LGALS8: variants seen among roughly 807,000 people sequenced by gnomAD.
The protein encoded by LGALS8 is galectin 8.
A neutral mutation model predicts 35.9 loss-of-function variants in LGALS8; 30 were observed. The observed-to-expected ratio is 0.83, with a 90% CI of 0.62 to 1.13. The LOEUF (loss-of-function observed/expected upper bound fraction) is 1.13. Ranked by LOEUF, LGALS8 falls within the 50% of genes most tolerant of loss-of-function variation. The pLI, the probability that LGALS8 is intolerant of heterozygous loss-of-function variation, is 0.00. For synonymous variants in LGALS8, 138 were observed against 136.1 expected (o/e 1.01, Z -0.10); for missense variants, 366 against 388.7 (o/e 0.94, Z 0.49).
Position 236,550,771 on chromosome 1 carries a change from A to G in LGALS8, c.*2610A>G. The G allele has an allele frequency of 1.5e-6, 1 of 676,462 alleles. No individual in the cohort carries two copies. Among genetic ancestry groups the G allele is most frequent in the Non-Finnish European group, 2.5e-6 (1 of 403,798 alleles). The allele number at this position is 676,462 out of a possible 1,614,324, so 41.9% of individuals were successfully genotyped here. A position where few individuals can be genotyped will look rare whatever the true frequency, so the allele number is the denominator to read the frequency against. On this transcript the variant is annotated 3_prime_UTR_variant, in exon 10 of 10. Coordinates refer to ENST00000366584, the MANE Select transcript of LGALS8 (RefSeq NM_201544.4). Reference sequence around the variant, plus strand: ...CAGGTGGGGATTTTGTAAAGAAGTGATAAAACATTTGTAAGTAATCCAAGT... The same window carrying G: ...CAGGTGGGGATTTTGTAAAGAAGTGGTAAAACATTTGTAAGTAATCCAAGT...
intron 1 of LGALS8, among the ~76,000 whole-genome samples, chr1:236,525,231 CAAT>C (rs1312528335): frequency 2.0e-5 from 3 of 152,102 alleles, no homozygotes; most frequent in Non-Finnish European, 2.9e-5. Flanking sequence ...TTTCTATTCA[CAAT>C]AATAATAGCT....
rs747237426 is a variant in LGALS8, at chr1:236,548,004, C to T, written c.805-8C>T. On this transcript the variant is annotated splice_polypyrimidine_tract_variant and splice_region_variant and intron_variant, in intron 9 of 9. Coordinates refer to ENST00000366584, the MANE Select transcript of LGALS8 (RefSeq NM_201544.4). ...GAACCACTAATGGCATGTATCCTTT[C>T]CTTTCAGATGATAATTTATTGTGAT... 71 of 1,608,352 alleles carry T rather than the reference C, an allele frequency of 4.4e-5. No homozygotes were observed. The East Asian group carries it at 6.5e-4, about 15-fold the overall frequency.
Position 236,544,765 on chromosome 1 carries a change from A to C in LGALS8, c.654A>C (p.Leu218=), listed in dbSNP as rs375244910. ...TTCTCAAAAGCTTTAATGTTGACCTACTAGCAGGAAAATCAAAGGATATTG... is the reference window on the plus strand; with the variant it reads ...TTCTCAAAAGCTTTAATGTTGACCTCCTAGCAGGAAAATCAAAGGATATTG... ...NANAKSFNVD[L]LAGKSKDIAL... Residue 218 remains leucine (L), a synonymous_variant, in exon 9 of 10, where the codon CTA becomes CTC. Coordinates refer to ENST00000366584, the MANE Select transcript of LGALS8 (RefSeq NM_201544.4). 3.1e-6 allele frequency: 5 copies of C among 1,604,154 alleles called. No homozygotes were observed. In the South Asian group the frequency reaches 5.7e-5, roughly 18 times the overall value.
rs374930112 is a variant in LGALS8, at chr1:236,548,530, G to A, written c.*369G>A. 1.2e-5 allele frequency: 3 copies of A among 255,686 alleles called. No homozygotes were observed. Among genetic ancestry groups the A allele is most frequent in the East Asian group, 7.8e-5 (1 of 12,818 alleles). The allele number at this position is 255,686 out of a possible 1,614,324, so 15.8% of individuals were successfully genotyped here. A position where few individuals can be genotyped will look rare whatever the true frequency, so the allele number is the denominator to read the frequency against. On this transcript the variant is annotated 3_prime_UTR_variant, in exon 10 of 10. Transcript: ENST00000366584. ...TGTGAAGAGCTAGGATATATACTTG[G>A]TGAAACAAACCAGTATGTTCCCTGT...
chr1:236,526,869 GGGTT>G lies in LGALS8; in HGVS notation c.45+755_45+758del, dbSNP rs756466851. On this transcript the variant is annotated intron_variant, in intron 2 of 9. Coordinates refer to ENST00000366584, the MANE Select transcript of LGALS8 (RefSeq NM_201544.4). This position sits in a 1 kb window ranked among gnomAD's most constrained non-coding sequence, Gnocchi z 4.6. ...CTAAACCAGTTTTGTTAGTGTGTGT[GGGTT>G]CAAGTTTTTGTCATTTACTTTATAG... Among the ~76,000 whole-genome samples the G allele has an allele frequency of 5.9e-5, 9 of 152,074 alleles. No homozygotes were observed. The highest frequency in any genetic ancestry group is 1.2e-4 in the Non-Finnish European group (8 of 68,022).
At chr1:236,535,674 G>A in intron 2 of LGALS8, among the ~76,000 whole-genome samples, 1 of 152,182 alleles carries the variant, frequency 6.6e-6, no homozygotes, top group African/African-American at 2.4e-5. Context: ...CAGATACTCT[G>A]ATGTGCAGCT....
rs549901100 is a variant in LGALS8, at chr1:236,548,450, C to T, written c.*289C>T. ...CCATTCAACAAGTATTTATGGAGTA[C>T]CTACTATAATACAGTAGCTAACATG... is the stretch of plus-strand genomic sequence containing the variant. On this transcript the variant is annotated 3_prime_UTR_variant, in exon 10 of 10. Coordinates refer to ENST00000366584, the MANE Select transcript of LGALS8 (RefSeq NM_201544.4). 2.4e-6 allele frequency: 1 copy of T among 418,136 alleles called. No individual in the cohort carries two copies. Among genetic ancestry groups the T allele is most frequent in the Admixed American group, 4.0e-5 (1 of 25,284 alleles). The allele number at this position is 418,136 out of a possible 1,614,324, so 25.9% of individuals were successfully genotyped here. A position where few individuals can be genotyped will look rare whatever the true frequency, so the allele number is the denominator to read the frequency against.
At chr1:236,540,805 TA>T in intron 5 of LGALS8, 122 bp downstream of exon 5, 1 of 1,056,910 alleles carries the variant, frequency 9.5e-7, no homozygotes, top group Non-Finnish European at 1.3e-6. Context: ...ACTGTAGTAT[TA>T]ATTTTTTGGA....
At chr1:236,542,821 A>G (rs745731125) in intron 7 of LGALS8, 34 bp downstream of exon 7, 7 of 1,614,202 alleles carry the variant, frequency 4.3e-6, no homozygotes, top group South Asian at 1.1e-5. Context: ...TTCATGTGGA[A>G]TATTTTATAA....
intron 7 of LGALS8, chr1:236,543,068 T>G (rs761079087): frequency 6.2e-7 from 1 of 1,606,950 alleles, no homozygotes; most frequent in Non-Finnish European, 8.5e-7. Flanking sequence ...TTTTCTTAAC[T>G]CTATATAAAA....
intron 7 of LGALS8, 31 bp from the exon 8 acceptor site, chr1:236,543,529 C>A: frequency 1.3e-6 from 2 of 1,508,010 alleles, no homozygotes; most frequent in South Asian, 1.1e-5. Context: ...TTTCTGCAGG[C>A]CTCTTGGTCC....
rs1422495867 is a variant in LGALS8, at chr1:236,538,894, G to A, written c.150G>A (p.Leu50=). Residue 50 remains leucine, a synonymous_variant, in exon 4 of 10, where the codon CTG becomes CTA. Transcript: ENST00000366584. ...PSDADRFQVD[L]QNGSSMKPRA... ...CCTCATATAGATTCCAGGTGGATCTGCAGAATGGCAGCAGCATGAAACCTC... is the reference window on the plus strand; with the variant it reads ...CCTCATATAGATTCCAGGTGGATCTACAGAATGGCAGCAGCATGAAACCTC... 3.7e-6 allele frequency: 6 copies of A among 1,612,518 alleles called. No homozygotes were observed. Among genetic ancestry groups the A allele is most frequent in the Non-Finnish European group, 5.1e-6 (6 of 1,179,782 alleles).
intron 9 of LGALS8, 51 bp downstream of exon 9, chr1:236,544,966 G>A (rs1233180817): frequency 2.8e-6 from 4 of 1,434,886 alleles, no homozygotes; most frequent in Non-Finnish European, 3.8e-6. Flanking sequence ...CCTGGGAGCA[G>A]GGGTGGGATA....
intron 2 of LGALS8, among the ~76,000 whole-genome samples, chr1:236,527,897 G>A (rs918365013): frequency 2.0e-5 from 3 of 151,802 alleles, no homozygotes; most frequent in Admixed American, 6.6e-5. Flanking sequence ...TACCATGCCC[G>A]GCTAATTTTT....
At chr1:236,541,954 C>A (rs1359570044) in intron 6 of LGALS8, among the ~76,000 whole-genome samples, 1 of 152,240 alleles carries the variant, frequency 6.6e-6, no homozygotes, top group Non-Finnish European at 1.5e-5. Flanking sequence ...TCACTCTTAA[C>A]TGCTGAATAG....
At chr1:236,538,176 G>T (rs1040796578) in intron 3 of LGALS8, among the ~76,000 whole-genome samples, 1 of 151,814 alleles carries the variant, frequency 6.6e-6, no homozygotes, top group African/African-American at 2.4e-5. Context: ...GTTTTAGTCT[G>T]ACATTCCCAC....
At chr1:236,543,693 C>G in intron 8 of LGALS8, 45 bp downstream of exon 8, 1 of 1,375,884 alleles carries the variant, frequency 7.3e-7, no homozygotes, top group Non-Finnish European at 1.0e-6. Context: ...ACTTCCGTGC[C>G]TGTTACCGCC....
chr1:236,525,189 A>T (rs754307466), intron 1 of LGALS8, among the ~76,000 whole-genome samples: 3 of 152,128 alleles, frequency 2.0e-5, no homozygotes, highest in Non-Finnish European at 4.4e-5. Flanking sequence ...CCCTACTTTG[A>T]TTTGTTTAAA....
intron 2 of LGALS8, among the ~76,000 whole-genome samples, chr1:236,528,569 T>TTTA (rs1571991866): frequency 1.5e-5 from 2 of 129,786 alleles, no homozygotes; most frequent in East Asian, 2.4e-4. Flanking sequence ...TTTTTTTTTT[T>TTTA]AAGACAGAGG....
Sources: allele counts gnomAD v4.1 joint callset (sites outside exome capture counted in the v4.1 genomes callset), GRCh38; gene constraint gnomAD v4.1.1; non-coding constraint Gnocchi (gnomAD v3.1); transcripts MANE v1.5; gene names NCBI Gene and HGNC (gene_info 2026-07-23, HGNC 2026-07-21).